MAST4: variants seen among roughly 807,000 people sequenced by gnomAD.
MAST4 encodes microtubule associated serine/threonine kinase family member 4.
A neutral mutation model predicts 162.7 loss-of-function variants in MAST4; 89 were observed. That is an observed-to-expected ratio of 0.55 (90% CI 0.46 to 0.65). The LOEUF is 0.65. Among genes scored for constraint, MAST4 ranks in the 30% least tolerant of loss-of-function variants. The probability of loss-of-function intolerance (pLI) is 0.00; values close to 1 mark genes in which losing one functional copy is unlikely to be tolerated. For missense variants in MAST4, 3,153 were observed against 3,374.0 expected (o/e 0.93, Z 1.62); for synonymous variants, 1,479 against 1,361.1 (o/e 1.09, Z -1.91).
At chr5:66,665,901 A>G (rs948092912) in intron 1 of MAST4, among the ~76,000 whole-genome samples, 4 of 152,230 alleles carry the variant, frequency 2.6e-5, no homozygotes, top group Non-Finnish European at 5.9e-5. Flanking sequence ...TAGTCCATAA[A>G]TGCTTCTTGC....
chr5:66,943,661 C>T (rs1353490011), intron 4 of MAST4, among the ~76,000 whole-genome samples: 1 of 151,932 alleles, frequency 6.6e-6, no homozygotes, highest in Admixed American at 6.6e-5. Flanking sequence ...GTACTTAAAA[C>T]TTTTTAGTAT....
intron 3 of MAST4, among the ~76,000 whole-genome samples, chr5:66,871,689 C>T (rs958866572): frequency 6.6e-6 from 1 of 152,174 alleles, no homozygotes; most frequent in Non-Finnish European, 1.5e-5. Context: ...TTTAAGTGCT[C>T]CAGTCAAATT....
At chr5:67,107,312 G>A (rs988978477) in intron 10 of MAST4, among the ~76,000 whole-genome samples, 4 of 152,036 alleles carry the variant, frequency 2.6e-5, no homozygotes, top group Non-Finnish European at 5.9e-5. Context: ...AAAATCTTAC[G>A]GTTTCACAGA....
At chr5:67,098,778 A>G (rs953717930) in intron 7 of MAST4, among the ~76,000 whole-genome samples, 5 of 152,138 alleles carry the variant, frequency 3.3e-5, no homozygotes, top group African/African-American at 1.2e-4. Flanking sequence ...GTTGCATGGT[A>G]TCTTGAGCCT....
chr5:66,968,234 G>A (rs937158980), intron 4 of MAST4, among the ~76,000 whole-genome samples: 5 of 152,152 alleles, frequency 3.3e-5, no homozygotes, highest in Admixed American at 6.5e-5. Context: ...AACCACTCAA[G>A]AGCCTGCTGG....
chr5:66,955,748 T>C (rs1298059353), intron 4 of MAST4, among the ~76,000 whole-genome samples: 1 of 152,168 alleles, frequency 6.6e-6, no homozygotes, highest in African/African-American at 2.4e-5. Context: ...TTAAAATGAT[T>C]GGCTAGTTTT....
chr5:66,771,041 G>T (rs561341454), intron 2 of MAST4, among the ~76,000 whole-genome samples: 1 of 152,100 alleles, frequency 6.6e-6, no homozygotes, highest in Admixed American at 6.5e-5. Context: ...CCTTTGGCTC[G>T]GTGTGTTAAA....
intron 1 of MAST4, among the ~76,000 whole-genome samples, chr5:66,706,367 C>A (rs977240770): frequency 5.3e-5 from 8 of 151,976 alleles, no homozygotes; most frequent in Non-Finnish European, 1.2e-4. Flanking sequence ...AGCCCCAAAC[C>A]CACCATTATT....
Position 67,100,606 on chromosome 5 carries a change from G to A in MAST4, c.1070+14G>A. 1 of 1,613,590 alleles carries A rather than the reference G, an allele frequency of 6.2e-7. No homozygotes were observed. Among genetic ancestry groups the A allele is most frequent in the Non-Finnish European group, 8.5e-7 (1 of 1,179,666 alleles). ...CCGAAGTCTGAGGTGTGTGGGCCTG[G>A]CTGAAAACCATTACTTAGTTGGATT... On this transcript the variant is annotated intron_variant, in intron 8 of 28. Transcript: ENST00000403625.
At chr5:66,929,137 C>G (rs972135951) in intron 4 of MAST4, among the ~76,000 whole-genome samples, 7 of 152,180 alleles carry the variant, frequency 4.6e-5, no homozygotes, top group African/African-American at 1.4e-4. Flanking sequence ...CAGCACAATA[C>G]AAGTCTGAAA....
At chr5:67,024,278 C>T (rs982096912) in intron 4 of MAST4, among the ~76,000 whole-genome samples, 3 of 150,150 alleles carry the variant, frequency 2.0e-5, no homozygotes, top group African/African-American at 4.9e-5. Context: ...TCCACACACA[C>T]GATGGAACAC....
At chr5:67,139,638 A>G (rs1770116567) in intron 19 of MAST4, among the ~76,000 whole-genome samples, 1 of 152,220 alleles carries the variant, frequency 6.6e-6, no homozygotes, top group East Asian at 1.9e-4. Context: ...TATCTAGTTC[A>G]TTTACTAAGT....
chr5:66,653,784 A>G (rs1235472298), intron 1 of MAST4, among the ~76,000 whole-genome samples: 1 of 152,020 alleles, frequency 6.6e-6, no homozygotes, highest in Non-Finnish European at 1.5e-5. Flanking sequence ...ACAGTCATTC[A>G]TTTGTCTCTT....
At chr5:66,894,739 T>C (rs1173121132) in intron 3 of MAST4, among the ~76,000 whole-genome samples, 1 of 152,230 alleles carries the variant, frequency 6.6e-6, no homozygotes, top group Non-Finnish European at 1.5e-5. Flanking sequence ...TCTGTTTCTA[T>C]GTGGGGTTTG....
intron 1 of MAST4, among the ~76,000 whole-genome samples, chr5:66,622,336 T>A (rs1165705497): frequency 6.6e-6 from 1 of 150,906 alleles, no homozygotes; most frequent in Non-Finnish European, 1.5e-5. Context: ...AGAACAAGTG[T>A]GGGAGAGAGT....
intron 3 of MAST4, among the ~76,000 whole-genome samples, chr5:66,794,761 A>AT: frequency 6.6e-6 from 1 of 152,258 alleles, no homozygotes; most frequent in Non-Finnish European, 1.5e-5. Flanking sequence ...AAGTGGCTTA[A>AT]TTTTATGTTT....
chr5:67,126,801 G>T (rs938179797), intron 14 of MAST4, among the ~76,000 whole-genome samples: 3 of 152,158 alleles, frequency 2.0e-5, no homozygotes, highest in African/African-American at 7.2e-5. Flanking sequence ...GCAGCTTGAT[G>T]GGGATAACAT....
chr5:67,071,918 A>G (rs1285476861), intron 5 of MAST4, among the ~76,000 whole-genome samples: 1 of 151,028 alleles, frequency 6.6e-6, no homozygotes, highest in Admixed American at 6.6e-5. Flanking sequence ...ATAGCAATAT[A>G]GATCTAGAAC....
chr5:66,758,980 T>C (rs893086251), intron 1 of MAST4, among the ~76,000 whole-genome samples: 1 of 152,230 alleles, frequency 6.6e-6, no homozygotes, highest in African/African-American at 2.4e-5. Context: ...CTATTAAGTA[T>C]GAGAGGCTTT....
Sources: gnomAD v4.1 joint callset for allele counts (sites outside exome capture counted in the v4.1 genomes callset) on GRCh38, gnomAD v4.1.1 for gene constraint, MANE v1.5 for transcripts, NCBI Gene and HGNC (gene_info 2026-07-23, HGNC 2026-07-21) for gene names.